Variants in CSMD1 observed in about 807,000 individuals in gnomAD.
The protein encoded by CSMD1 is CUB and sushi domain-containing protein 1.
Under a neutral mutation model 417.5 loss-of-function variants are expected in CSMD1, and 213 were observed. That is an observed-to-expected ratio of 0.51 (90% CI 0.46 to 0.57). The LOEUF is 0.57. Ranked by LOEUF, CSMD1 falls within the 20% of genes least tolerant of loss-of-function variation. The probability of loss-of-function intolerance (pLI) is 0.00; values close to 1 mark genes in which losing one functional copy is unlikely to be tolerated. For synonymous variants in CSMD1, 2,862 were observed against 1,736.8 expected (o/e 1.65, Z -16.11); for missense variants, 6,923 against 4,529.7 (o/e 1.53, Z -15.17).
chr8:3,296,673 C>G (rs1803993372), intron 25 of CSMD1, among the ~76,000 whole-genome samples: 1 of 152,122 alleles, frequency 6.6e-6, no homozygotes, highest in Non-Finnish European at 1.5e-5. Context: ...TGGTCAGGTC[C>G]TGGATACGTT....
At chr8:4,458,172 A>C (rs563352608) in intron 2 of CSMD1, among the ~76,000 whole-genome samples, 2 of 152,314 alleles carry the variant, frequency 1.3e-5, no homozygotes, top group African/African-American at 4.8e-5. Context: ...GCTGATTAAT[A>C]TACTAAATAT....
At chr8:3,296,472 C>A (rs4875558) in intron 25 of CSMD1, among the ~76,000 whole-genome samples, 1 of 152,096 alleles carries the variant, frequency 6.6e-6, no homozygotes, top group Non-Finnish European at 1.5e-5. Context: ...AAGGATGATA[C>A]ACCGATGCGG....
intron 5 of CSMD1, among the ~76,000 whole-genome samples, chr8:3,962,206 G>T (rs533644053): frequency 6.6e-6 from 1 of 152,246 alleles, no homozygotes; most frequent in South Asian, 2.1e-4. Context: ...TCCAGAATGG[G>T]ATTGTTTTGC....
chr8:4,590,517 C>T (rs1799933226), intron 2 of CSMD1, among the ~76,000 whole-genome samples: 1 of 151,942 alleles, frequency 6.6e-6, no homozygotes, highest in African/African-American at 2.4e-5. Context: ...ATTTGAAGCG[C>T]TAGCATAATA....
chr8:3,670,105 T>C (rs936865359), intron 7 of CSMD1, among the ~76,000 whole-genome samples: 2 of 152,138 alleles, frequency 1.3e-5, no homozygotes, highest in African/African-American at 4.8e-5. Flanking sequence ...GGATGCAAAG[T>C]GTTGATCCTG....
At chr8:4,578,936 A>G (rs1799276724) in intron 2 of CSMD1, among the ~76,000 whole-genome samples, 1 of 151,974 alleles carries the variant, frequency 6.6e-6, no homozygotes, top group Admixed American at 6.6e-5. Flanking sequence ...AAAATATTAA[A>G]TCAATACATT....
At chr8:3,090,801 G>C (rs1172028793) in intron 48 of CSMD1, among the ~76,000 whole-genome samples, 3 of 152,136 alleles carry the variant, frequency 2.0e-5, no homozygotes, top group African/African-American at 7.2e-5. Context: ...ATGTGCTCAG[G>C]AATTAAGAGT....
chr8:3,646,645 A>C (rs1054799693), intron 7 of CSMD1, among the ~76,000 whole-genome samples: 50 of 152,276 alleles, frequency 3.3e-4, no homozygotes, highest in African/African-American at 1.2e-3. Context: ...GTTCCTGCCA[A>C]AGCCGTGCTC....
At chr8:2,978,579 T>C in intron 55 of CSMD1, 33 bp downstream of exon 55, 1 of 1,524,756 alleles carries the variant, frequency 6.6e-7, no homozygotes, top group Non-Finnish European at 8.9e-7. Context: ...TGCAGGGGTC[T>C]CTGCACAGAA....
intron 2 of CSMD1, among the ~76,000 whole-genome samples, chr8:4,451,972 T>A (rs894208631): frequency 1.3e-5 from 2 of 149,022 alleles, no homozygotes; most frequent in Non-Finnish European, 3.0e-5. Flanking sequence ...ATATATAATT[T>A]GATATACATA....
intron 7 of CSMD1, among the ~76,000 whole-genome samples, chr8:3,692,908 C>A (rs1339155714): frequency 6.6e-6 from 1 of 152,006 alleles, no homozygotes; most frequent in South Asian, 2.1e-4. Flanking sequence ...TAACAAAATG[C>A]CATTCAATTA....
At chr8:4,365,435 A>G (rs1466841525) in intron 3 of CSMD1, among the ~76,000 whole-genome samples, 4 of 152,220 alleles carry the variant, frequency 2.6e-5, no homozygotes, top group African/African-American at 9.7e-5. Context: ...GAAAAATAAA[A>G]GACAACATTT....
rs562621265 is a variant in CSMD1 at position 4,360,417 on chromosome 8, GAATT to G, written c.415+59532_415+59535del. ...CTCCATCTATAAAACAGTATTTGTG[GAATT>G]AATTAACTGTGTTTTAAGTCATAGA... is the stretch of plus-strand genomic sequence containing the variant. On this transcript the variant is annotated intron_variant, in intron 3 of 69. Coordinates refer to ENST00000635120, the MANE Select transcript of CSMD1 (RefSeq NM_033225.6). 1.8e-3 allele frequency among the ~76,000 whole-genome samples: 281 copies of G among 152,236 alleles called. 3 individuals carry two copies. Among genetic ancestry groups the G allele is most frequent in the African/African-American group, 6.3e-3 (263 of 41,556 alleles).
intron 7 of CSMD1, among the ~76,000 whole-genome samples, chr8:3,642,709 C>G (rs1797367723): frequency 2.0e-5 from 3 of 151,998 alleles, no homozygotes; most frequent in Non-Finnish European, 4.4e-5. Context: ...GTATATTTAA[C>G]ATATATCTAT....
chr8:3,389,964 T>G lies in CSMD1; in HGVS notation c.2594-2282A>C, dbSNP rs1298159660. On this transcript the variant is annotated intron_variant, in intron 17 of 69. Transcript: ENST00000635120. The stretch of plus-strand genomic sequence containing the variant: ...AATGGAGAGTACAGGACGGGAGGAC[T>G]GTTGAGTGGTAGAATTATGATACTA... 2.0e-5 allele frequency among the ~76,000 whole-genome samples: 3 copies of G among 152,234 alleles called. No homozygotes were observed. The East Asian group carries it at 5.8e-4, about 29-fold the overall frequency.
chr8:3,733,697 A>G (rs990359766), intron 6 of CSMD1, among the ~76,000 whole-genome samples: 1 of 152,118 alleles, frequency 6.6e-6, no homozygotes, highest in Non-Finnish European at 1.5e-5. Flanking sequence ...CTCAGTGCCC[A>G]TCTCAGGGAC....
intron 3 of CSMD1, among the ~76,000 whole-genome samples, chr8:4,123,406 T>C (rs977117503): frequency 6.6e-6 from 1 of 152,236 alleles, no homozygotes; most frequent in African/African-American, 2.4e-5. Context: ...GCCACATATT[T>C]CATTTGCTTT....
intron 3 of CSMD1, among the ~76,000 whole-genome samples, chr8:4,254,479 T>G (rs1044361963): frequency 6.6e-6 from 1 of 152,174 alleles, no homozygotes; most frequent in Non-Finnish European, 1.5e-5. Flanking sequence ...GTCATAATGT[T>G]GTAGTGCAAT....
intron 2 of CSMD1, among the ~76,000 whole-genome samples, chr8:4,540,727 A>T (rs1261206411): frequency 1.3e-5 from 2 of 152,162 alleles, no homozygotes; most frequent in South Asian, 4.1e-4. Context: ...CCAAGTGTCT[A>T]AGCTGTGCCA....
Sources: allele counts gnomAD v4.1 joint callset (sites outside exome capture counted in the v4.1 genomes callset), GRCh38; gene constraint gnomAD v4.1.1; transcripts MANE v1.5; gene names NCBI Gene and HGNC (gene_info 2026-07-23, HGNC 2026-07-21).